The following DNAAF9 variants were observed in gnomAD, a reference collection of about 807,000 sequenced individuals.
DNAAF9 encodes dynein axonemal assembly factor 9.
In DNAAF9, 90 loss-of-function variants were observed where a neutral mutation model predicts 167.0. That is an observed-to-expected ratio of 0.54 (90% confidence interval 0.45 to 0.64). The LOEUF (loss-of-function observed/expected upper bound fraction) is 0.64. Among genes scored for constraint, DNAAF9 ranks in the 30% least tolerant of loss-of-function variants. The probability of loss-of-function intolerance (pLI) is 0.00; values close to 1 mark genes in which losing one functional copy is unlikely to be tolerated. For missense variants in DNAAF9, 1,315 were observed against 1,442.2 expected (o/e 0.91, Z 1.43); for synonymous variants, 491 against 508.8 (o/e 0.96, Z 0.47).
At chr20:3,303,334 C>A (rs2066653275) in intron 21 of DNAAF9, among the ~76,000 whole-genome samples, 1 of 151,854 alleles carries the variant, frequency 6.6e-6, no homozygotes, top group Non-Finnish European at 1.5e-5. Context: ...AGTCTTCTAA[C>A]CCCTAGAGGT....
At chr20:3,354,206 T>C (rs1376357646) in intron 7 of DNAAF9, among the ~76,000 whole-genome samples, 1 of 152,198 alleles carries the variant, frequency 6.6e-6, no homozygotes, top group Admixed American at 6.5e-5. Context: ...ACCTAGAACC[T>C]GTGTGCTTTC....
chr20:3,376,748 G>T (rs1171268813), intron 3 of DNAAF9, among the ~76,000 whole-genome samples: 2 of 152,196 alleles, frequency 1.3e-5, no homozygotes, highest in South Asian at 2.1e-4. Context: ...TTGGTTGAAA[G>T]AGTTAAGTTT....
intron 5 of DNAAF9, 29 bp downstream of exon 5, chr20:3,375,001 T>C (rs2083556760): frequency 8.0e-7 from 1 of 1,244,526 alleles, no homozygotes; most frequent in Non-Finnish European, 1.2e-6. Context: ...CTAAGCAAGG[T>C]TCTAGAAGGC....
chr20:3,387,348 C>G (rs1172652945), intron 1 of DNAAF9, among the ~76,000 whole-genome samples: 1 of 152,030 alleles, frequency 6.6e-6, no homozygotes, highest in Admixed American at 6.5e-5. Flanking sequence ...AGAAACAAAC[C>G]CTCACATACC....
intron 25 of DNAAF9, among the ~76,000 whole-genome samples, chr20:3,291,867 C>T (rs1366018097): frequency 1.3e-5 from 2 of 152,124 alleles, no homozygotes; most frequent in Admixed American, 6.5e-5. Context: ...GGCAGTACTC[C>T]ATGTTTATCC....
chr20:3,376,068 T>C, intron 4 of DNAAF9, 110 bp downstream of exon 4: 1 of 986,540 alleles, frequency 1.0e-6, no homozygotes, highest in Non-Finnish European at 1.5e-6. Flanking sequence ...TAATCTTTTT[T>C]ATATAGTCAC....
At chr20:3,387,933 G>T (rs556797228) in intron 1 of DNAAF9, among the ~76,000 whole-genome samples, 1 of 144,124 alleles carries the variant, frequency 6.9e-6, no homozygotes, top group Non-Finnish European at 1.5e-5. Context: ...GGATGTGGTA[G>T]CATGTGCCTG....
chr20:3,407,598 C>A lies in DNAAF9; in HGVS notation c.-41G>T. The A allele has an allele frequency of 2.5e-6, 3 of 1,214,624 alleles. No individual in the cohort carries two copies. Among genetic ancestry groups the A allele is most frequent in the Non-Finnish European group, 3.1e-6 (3 of 976,786 alleles). 75.2% of individuals were successfully genotyped at this position (1,214,624 alleles called of 1,614,324 possible). On this transcript the variant is annotated 5_prime_UTR_variant, in exon 1 of 37. Coordinates refer to ENST00000252032, the MANE Select transcript of DNAAF9 (RefSeq NM_001009984.3). ...GCGGCGGAGGAGGACGGTGCAGCTG[C>A]GAGGGTCTCAGTTGCCCGCAGGGCG...
At chr20:3,397,725 G>T (rs1320616310) in intron 1 of DNAAF9, among the ~76,000 whole-genome samples, 1 of 151,402 alleles carries the variant, frequency 6.6e-6, no homozygotes, top group Non-Finnish European at 1.5e-5. Flanking sequence ...TTTTTGGGGG[G>T]GGGGAACATC....
intron 25 of DNAAF9, among the ~76,000 whole-genome samples, chr20:3,291,327 G>A (rs2068948015): frequency 6.6e-6 from 1 of 151,722 alleles, no homozygotes; most frequent in Admixed American, 6.6e-5. Context: ...CATGGCAAGT[G>A]CCTCTGTAAG....
chr20:3,278,680 T>C (rs934925854), intron 29 of DNAAF9, among the ~76,000 whole-genome samples: 1 of 152,046 alleles, frequency 6.6e-6, no homozygotes. Flanking sequence ...GACCACGCTA[T>C]TGCACTCCAA....
Position 3,382,463 on chromosome 20 carries a change from T to C in DNAAF9, c.127A>G (p.Ser43Gly), listed in dbSNP as rs748277132. ...RQVQSILTQS[S>G]KSRPDGILCI... is the part of the protein sequence containing the mutation. ...AGGATCCCATCCGGCCGAGACTTGC[T>C]GCTCTGGGTCAGGATGCTCTGAACC... Residue 43 changes from serine to glycine, a missense_variant, in exon 2 of 37, where the codon AGC becomes GGC. By Grantham distance (56) the Ser-to-Gly change is moderately conservative. Transcript: ENST00000252032. The C allele has an allele frequency of 4.3e-5, 70 of 1,613,850 alleles. No individual in the cohort carries two copies. The highest frequency in any genetic ancestry group is 5.7e-5 in the Non-Finnish European group (67 of 1,179,864).
At chr20:3,320,775 T>C (rs914357558) in intron 16 of DNAAF9, among the ~76,000 whole-genome samples, 1 of 152,192 alleles carries the variant, frequency 6.6e-6, no homozygotes, top group African/African-American at 2.4e-5. Context: ...TTGAGTTACT[T>C]TTCCACAGGT....
chr20:3,298,005 T>C (rs1430443275), intron 22 of DNAAF9, 24 bp downstream of exon 22: 1 of 1,593,230 alleles, frequency 6.3e-7, no homozygotes, highest in Non-Finnish European at 8.6e-7. Flanking sequence ...AGTAGTAGTT[T>C]TGCTGAATAA....
intron 31 of DNAAF9, 47 bp from the exon 32 acceptor site, chr20:3,260,075 C>T (rs1333256433): frequency 9.0e-7 from 1 of 1,107,516 alleles, no homozygotes; most frequent in Non-Finnish European, 1.4e-6. Flanking sequence ...CGCGGTGGCT[C>T]ACGCCTGTAA....
At chr20:3,397,100 A>T (rs1259937199) in intron 1 of DNAAF9, among the ~76,000 whole-genome samples, 2 of 152,096 alleles carry the variant, frequency 1.3e-5, no homozygotes, top group Non-Finnish European at 2.9e-5. Flanking sequence ...CACAAAAATT[A>T]GCCAGGTGTG....
chr20:3,403,187 C>T (rs2123314014), intron 1 of DNAAF9, among the ~76,000 whole-genome samples: 1 of 152,258 alleles, frequency 6.6e-6, no homozygotes, highest in Middle Eastern at 3.4e-3. Flanking sequence ...CACATTGCCA[C>T]ATCCAAGCAG....
intron 20 of DNAAF9, among the ~76,000 whole-genome samples, chr20:3,309,211 G>A (rs997418692): frequency 5.3e-5 from 8 of 150,750 alleles, no homozygotes; most frequent in South Asian, 4.2e-4. Flanking sequence ...CTGAAATTAT[G>A]TTAAATTTAA....
intron 1 of DNAAF9, among the ~76,000 whole-genome samples, chr20:3,390,736 A>C (rs973913154): frequency 3.9e-5 from 6 of 152,196 alleles, no homozygotes; most frequent in African/African-American, 1.4e-4. Context: ...AAAGTCTTAG[A>C]AGCAGCAAGG....
Sources: gnomAD v4.1 joint callset for allele counts (sites outside exome capture counted in the v4.1 genomes callset) on GRCh38, gnomAD v4.1.1 for gene constraint, MANE v1.5 for transcripts, NCBI Gene and HGNC (gene_info 2026-07-23, HGNC 2026-07-21) for gene names.